Variants in ASTN2 observed in about 807,000 individuals in gnomAD.
ASTN2 encodes astrotactin-2.
A neutral mutation model predicts 139.8 loss-of-function variants in ASTN2; 54 were observed. The ratio of observed to expected loss-of-function variants is 0.39; its 90% CI spans 0.31 to 0.48. The LOEUF is 0.48. ASTN2 is among the 20% of genes least tolerant of loss of function. The pLI, the probability that ASTN2 is intolerant of heterozygous loss-of-function variation, is 0.95. For synonymous variants in ASTN2, 756 were observed against 719.5 expected (o/e 1.05, Z -0.81); for missense variants, 1,565 against 1,725.1 (o/e 0.91, Z 1.64).
chr9:117,362,820 A>G (rs985726225), intron 1 of ASTN2, among the ~76,000 whole-genome samples: 2 of 152,032 alleles, frequency 1.3e-5, no homozygotes, highest in Non-Finnish European at 2.9e-5. Flanking sequence ...TGAGTGTGGA[A>G]ACTCTCACTC....
At chr9:117,049,212 C>T (rs1050714852) in intron 5 of ASTN2, among the ~76,000 whole-genome samples, 1 of 151,998 alleles carries the variant, frequency 6.6e-6, no homozygotes, top group Non-Finnish European at 1.5e-5. Context: ...TATCCAAATG[C>T]CTCAAAGAGC....
intron 19 of ASTN2, among the ~76,000 whole-genome samples, chr9:116,603,691 T>C (rs957364252): frequency 2.6e-5 from 4 of 152,240 alleles, no homozygotes; most frequent in African/African-American, 9.7e-5. Context: ...AGATTTAGTC[T>C]GGGCAAACTC....
intron 10 of ASTN2, among the ~76,000 whole-genome samples, chr9:116,914,067 GA>G (rs1367235533): frequency 6.7e-6 from 1 of 149,688 alleles, no homozygotes; most frequent in Non-Finnish European, 1.5e-5. Flanking sequence ...CTGGAAATAG[GA>G]AATGTTTTAA....
intron 1 of ASTN2, among the ~76,000 whole-genome samples, chr9:117,394,847 A>G (rs1238014142): frequency 6.6e-6 from 1 of 152,174 alleles, no homozygotes; most frequent in African/African-American, 2.4e-5. Context: ...AATCCTGTAA[A>G]GCAGTGGGGA....
intron 19 of ASTN2, among the ~76,000 whole-genome samples, chr9:116,565,053 T>G (rs959685358): frequency 2.0e-5 from 3 of 152,118 alleles, no homozygotes; most frequent in African/African-American, 7.2e-5. Flanking sequence ...GTTTAAGATA[T>G]GTAAGACACA....
At chr9:117,076,449 G>A (rs1445161104) in intron 5 of ASTN2, among the ~76,000 whole-genome samples, 4 of 152,172 alleles carry the variant, frequency 2.6e-5, no homozygotes, top group Non-Finnish European at 5.9e-5. Flanking sequence ...CTCATTGAAA[G>A]TTTGAGGGGC....
chr9:117,252,088 C>T (rs987617665), intron 2 of ASTN2, among the ~76,000 whole-genome samples: 16 of 152,202 alleles, frequency 1.1e-4, no homozygotes, highest in East Asian at 5.8e-4. Context: ...CTTTGGAAGA[C>T]GATAAAGGAG....
chr9:116,946,336 T>C (rs150911056), intron 10 of ASTN2, among the ~76,000 whole-genome samples: 3,069 of 152,226 alleles, frequency 0.02, 53 homozygotes, highest in Non-Finnish European at 0.03. Context: ...TGTGAAAAAA[T>C]GCAGAGACAT....
At chr9:116,505,416 T>A (rs140243620) in intron 19 of ASTN2, among the ~76,000 whole-genome samples, 2 of 152,110 alleles carry the variant, frequency 1.3e-5, no homozygotes, top group Admixed American at 1.3e-4. Context: ...GTCATTAGAA[T>A]TTATTTTTTA....
intron 7 of ASTN2, among the ~76,000 whole-genome samples, chr9:116,986,694 G>A (rs760022301): frequency 6.6e-6 from 1 of 152,180 alleles, no homozygotes; most frequent in African/African-American, 2.4e-5. Flanking sequence ...CAGACGAGCA[G>A]ACAGAGGCCC....
intron 1 of ASTN2, among the ~76,000 whole-genome samples, chr9:117,299,053 A>G (rs1834810620): frequency 6.6e-6 from 1 of 152,176 alleles, no homozygotes; most frequent in African/African-American, 2.4e-5. Context: ...CAAGGAGCTT[A>G]TATTTTCATG....
At position 116,698,063 on chromosome 9, in the gene ASTN2, G is replaced by T. The variant is rs768844180; in HGVS notation, c.2806+27708C>A. ...TGTGTCGGTCCTGTGGGCGGCGTCT[G>T]CCCCGGCAATTCTGCCGGAGCTGTG... On this transcript the variant is annotated intron_variant, in intron 16 of 22. Transcript: ENST00000313400. This position sits in a 1 kb window ranked among gnomAD's most constrained non-coding sequence, Gnocchi z 4.4. 9 of 1,614,062 alleles carry T rather than the reference G, an allele frequency of 5.6e-6. No homozygotes were observed. In the South Asian group the frequency reaches 7.7e-5, roughly 14 times the overall value.
intron 5 of ASTN2, among the ~76,000 whole-genome samples, chr9:117,082,465 C>T (rs1248056614): frequency 6.6e-6 from 1 of 152,190 alleles, no homozygotes; most frequent in Admixed American, 6.5e-5. Flanking sequence ...TACCTTCAGT[C>T]TCACTCTCTT....
intron 5 of ASTN2, among the ~76,000 whole-genome samples, chr9:117,044,362 A>T (rs140295265): frequency 3.5e-4 from 53 of 152,324 alleles, no homozygotes; most frequent in African/African-American, 1.2e-3. Flanking sequence ...TTGTTTCCGA[A>T]GTCCAGGAGG....
At chr9:116,887,887 C>T (rs898617967) in intron 10 of ASTN2, among the ~76,000 whole-genome samples, 4 of 152,012 alleles carry the variant, frequency 2.6e-5, no homozygotes, top group East Asian at 1.9e-4. Flanking sequence ...AGGCTGGTCT[C>T]GAACTCCTGA....
chr9:116,446,009 G>A (rs1301405291), intron 20 of ASTN2, among the ~76,000 whole-genome samples: 1 of 152,060 alleles, frequency 6.6e-6, no homozygotes, highest in African/African-American at 2.4e-5. Context: ...AACTGTTCCA[G>A]AGGCACATCT....
intron 2 of ASTN2, among the ~76,000 whole-genome samples, chr9:117,248,458 C>G (rs957476015): frequency 6.6e-6 from 1 of 152,166 alleles, no homozygotes; most frequent in Non-Finnish European, 1.5e-5. Flanking sequence ...TTCACAATGT[C>G]TAGTGCATAC....
intron 2 of ASTN2, among the ~76,000 whole-genome samples, chr9:117,246,720 C>T (rs776618346): frequency 6.6e-6 from 1 of 152,134 alleles, no homozygotes; most frequent in Non-Finnish European, 1.5e-5. Context: ...ATTTACTGAG[C>T]ATCTAGGGGG....
At chr9:116,657,780 G>T (rs759255300) in intron 16 of ASTN2, among the ~76,000 whole-genome samples, 2 of 151,934 alleles carry the variant, frequency 1.3e-5, no homozygotes, top group Non-Finnish European at 2.9e-5. Context: ...GGTGGAGGTT[G>T]CAGTGAACCG....
Sources: allele counts gnomAD v4.1 joint callset (sites outside exome capture counted in the v4.1 genomes callset), GRCh38; gene constraint gnomAD v4.1.1; non-coding constraint Gnocchi (gnomAD v3.1); transcripts MANE v1.5; gene names NCBI Gene and HGNC (gene_info 2026-07-23, HGNC 2026-07-21).